The following SUN1 variants were observed in gnomAD, a reference collection of about 807,000 sequenced individuals.
SUN1 encodes SUN domain-containing protein 1.
In SUN1, 61 loss-of-function variants were observed where a neutral mutation model predicts 103.2. That is an observed-to-expected ratio of 0.59 (90% CI 0.48 to 0.73). The LOEUF (loss-of-function observed/expected upper bound fraction) is 0.73. Ranked by LOEUF, SUN1 falls within the 30% of genes least tolerant of loss-of-function variation. The pLI, the probability that SUN1 is intolerant of heterozygous loss-of-function variation, is 0.00. For synonymous variants in SUN1, 490 were observed against 425.7 expected (o/e 1.15, Z -1.86); for missense variants, 1,052 against 1,034.6 (o/e 1.02, Z -0.23).
In SUN1 at chr7:841,938, CT is replaced by C. The variant is rs747866078; in HGVS notation, c.267-6del. 11 of 1,599,912 alleles carry C rather than the reference CT, an allele frequency of 6.9e-6. No individual in the cohort carries two copies. In the African/African-American group the frequency reaches 1.5e-4, roughly 22 times the overall value. ...ATCTATAAACTTGCTGTTTTTTTTT[CT>C]TCTTAGAACAACAAAACAGCGCAGA... On this transcript the variant is annotated splice_region_variant and splice_polypyrimidine_tract_variant and intron_variant, in intron 2 of 18. Transcript: ENST00000401592.
rs746436579 is a variant in SUN1 at position 849,888 on chromosome 7, T to C, written c.659-1496T>C. 8 of 1,570,710 alleles carry C rather than the reference T, an allele frequency of 5.1e-6. No individual in the cohort carries two copies. In the African/African-American group the frequency reaches 1.1e-4, roughly 21 times the overall value. On this transcript the variant is annotated intron_variant, in intron 5 of 18. Coordinates refer to ENST00000401592, the MANE Select transcript of SUN1 (RefSeq NM_001130965.3). ...GAGATGGACAGAGTTTGCTTGTGAATCCGCCACACTCACTGCCTGTCACCA... is the reference window on the plus strand; with the variant it reads ...GAGATGGACAGAGTTTGCTTGTGAACCCGCCACACTCACTGCCTGTCACCA...
chr7:854,287 C>T lies in SUN1; in HGVS notation c.1264-633C>T, dbSNP rs537691150. Among the ~76,000 whole-genome samples the T allele has an allele frequency of 2.0e-5, 3 of 152,392 alleles. No individual in the cohort carries two copies. In the South Asian group the frequency reaches 6.2e-4, roughly 32 times the overall value. ...GACTGGAACGCAGAGCAGGGCTTCC[C>T]TCCGAGGCGGTGCGCGCAGCGTCAA... is the stretch of plus-strand genomic sequence containing the variant. On this transcript the variant is annotated intron_variant, in intron 10 of 18. Coordinates refer to ENST00000401592, the MANE Select transcript of SUN1 (RefSeq NM_001130965.3).
chr7:866,312 C>T (rs1055736183), intron 16 of SUN1, among the ~76,000 whole-genome samples: 13 of 152,182 alleles, frequency 8.5e-5, no homozygotes, highest in Non-Finnish European at 1.6e-4. Context: ...CATGCTGGTC[C>T]TGTCAGCCTT....
rs564208885 is a variant in SUN1, at chr7:854,024, G to A, written c.1263+406G>A. Among the ~76,000 whole-genome samples the A allele has an allele frequency of 1.2e-4, 18 of 152,308 alleles. 1 individual carries two copies. In the South Asian group the frequency reaches 1.7e-3, roughly 14 times the overall value. On this transcript the variant is annotated intron_variant, in intron 10 of 18. Coordinates refer to ENST00000401592, the MANE Select transcript of SUN1 (RefSeq NM_001130965.3). ...CGTGTGGGTCCCAGACGCACTTCTC[G>A]GAGGCAGCCTGAGATGCTCCCACCC...
rs1398957880 is a variant in SUN1, at chr7:860,393, G to A, written c.1779+11G>A. 3 of 1,609,938 alleles carry A rather than the reference G, an allele frequency of 1.9e-6. No individual in the cohort carries two copies. The highest frequency in any genetic ancestry group is 2.2e-5 in the East Asian group (1 of 44,788). ...GGAATAACAGAGGCGGTGAGTCGGC[G>A]AGTCGGCGGCAAGAGATGCTTACAG... On this transcript the variant is annotated intron_variant, in intron 14 of 18. Coordinates refer to ENST00000401592, the MANE Select transcript of SUN1 (RefSeq NM_001130965.3).
At chr7:862,985 A>T (rs1246812348) in intron 15 of SUN1, among the ~76,000 whole-genome samples, 2 of 152,164 alleles carry the variant, frequency 1.3e-5, no homozygotes, top group Non-Finnish European at 2.9e-5. Flanking sequence ...TACTAAAAAT[A>T]CAAAAAATTA....
At chr7:859,507 G>A (rs1830486900) in intron 13 of SUN1, among the ~76,000 whole-genome samples, 1 of 152,222 alleles carries the variant, frequency 6.6e-6, no homozygotes, top group Admixed American at 6.5e-5. Flanking sequence ...GGAGGAGTGA[G>A]GGTAGAAAGC....
rs776647257 is a variant in SUN1, at chr7:852,922, C to T, written c.1023C>T (p.Pro341=). The change falls in exon 9 of 19, where the codon CCC becomes CCT. Residue 341 remains proline (P), a synonymous_variant. Coordinates refer to ENST00000401592, the MANE Select transcript of SUN1 (RefSeq NM_001130965.3). The part of the protein sequence containing the change: ...RVDDPQDVFK[P]TTSRLKQPLQ... The stretch of plus-strand genomic sequence containing the variant: ...ATGACCCCCAGGACGTGTTTAAACC[C>T]ACGACTTCTCGCCTGAAGCAGCCTC... 9.3e-6 allele frequency: 15 copies of T among 1,613,622 alleles called. No homozygotes were observed. Among genetic ancestry groups the T allele is most frequent in the Non-Finnish European group, 1.3e-5 (15 of 1,179,898 alleles).
At chr7:821,886 C>A (rs184969982) in intron 1 of SUN1, among the ~76,000 whole-genome samples, 1 of 152,316 alleles carries the variant, frequency 6.6e-6, no homozygotes, top group East Asian at 1.9e-4. Context: ...GGCCCAGTGT[C>A]GTCGGCCTCA....
chr7:851,348 CGTCT>C, intron 5 of SUN1, 32 bp from the exon 6 acceptor site: 2 of 1,539,498 alleles, frequency 1.3e-6, no homozygotes, highest in Non-Finnish European at 1.8e-6. Flanking sequence ...TGGTCCCTGG[CGTCT>C]GTCTGAGGCC....
intron 15 of SUN1, among the ~76,000 whole-genome samples, chr7:862,117 C>T (rs76886890): frequency 0.014 from 2,077 of 152,320 alleles, 53 homozygotes; most frequent in African/African-American, 0.047. Context: ...ACCTGCTTCA[C>T]GTCCGCTCAG....
At chr7:830,131 C>T (rs1175184701), upstream of SUN1, among the ~76,000 whole-genome samples, 2 of 152,198 alleles carry the variant, frequency 1.3e-5, no homozygotes, top group African/African-American at 2.4e-5. Context: ...GTGAATGAGA[C>T]TGCAGGGTGG....
At chr7:816,444 C>T (rs1289649860), upstream of SUN1, among the ~76,000 whole-genome samples, 11 of 147,820 alleles carry the variant, frequency 7.4e-5, no homozygotes, top group Admixed American at 1.3e-4. Flanking sequence ...CCCCTCCCTC[C>T]CTCTCCCCCT....
chr7:867,912 C>T (rs762362685), intron 16 of SUN1, among the ~76,000 whole-genome samples: 5 of 152,174 alleles, frequency 3.3e-5, no homozygotes, highest in Admixed American at 6.5e-5. Flanking sequence ...GGTGACTCAC[C>T]GGGCGTTTGG....
At chr7:829,156 C>G (rs1296524265), upstream of SUN1, among the ~76,000 whole-genome samples, 1 of 152,232 alleles carries the variant, frequency 6.6e-6, no homozygotes, top group Non-Finnish European at 1.5e-5. Flanking sequence ...TGAAAACATG[C>G]TGGATCCGTT....
intron 9 of SUN1, 99 bp from the exon 10 acceptor site, chr7:853,310 G>A: frequency 7.2e-7 from 1 of 1,395,088 alleles, no homozygotes; most frequent in South Asian, 1.2e-5. Context: ...GTGCGCCCCA[G>A]AGCTGGCGTC....
chr7:873,156 T>C, intron 18 of SUN1, 59 bp from the exon 19 acceptor site: 2 of 1,474,722 alleles, frequency 1.4e-6, no homozygotes, highest in Non-Finnish European at 1.9e-6. Context: ...GGGGAAGTGA[T>C]TGGACTTGGG....
intron 2 of SUN1, 191 bp downstream of exon 2, chr7:839,177 G>A (rs1016618513): frequency 3.8e-6 from 2 of 527,506 alleles, no homozygotes; most frequent in Non-Finnish European, 3.1e-6. Context: ...AAGGAACTCT[G>A]GAATCTGTGT....
At chr7:841,918 T>C in intron 2 of SUN1, 28 bp from the exon 3 acceptor site, 1 of 1,610,216 alleles carries the variant, frequency 6.2e-7, no homozygotes. Context: ...AAAAGATCTA[T>C]AAACTTGCTG....
Sources: allele counts gnomAD v4.1 joint callset (sites outside exome capture counted in the v4.1 genomes callset), GRCh38; gene constraint gnomAD v4.1.1; transcripts MANE v1.5; gene names NCBI Gene and HGNC (gene_info 2026-07-23, HGNC 2026-07-21).